The following SHROOM3 variants were observed in gnomAD, a reference collection of about 807,000 sequenced individuals.
SHROOM3 encodes shroom family member 3.
SHROOM3 carries 47 observed loss-of-function variants against 138.6 expected under a neutral mutation model. That is an observed-to-expected ratio of 0.34 (90% CI 0.27 to 0.43). The LOEUF is 0.43. Ranked by LOEUF, SHROOM3 falls within the 20% of genes least tolerant of loss-of-function variation. SHROOM3 has a pLI of 1.00. For missense variants in SHROOM3, 2,491 were observed against 2,596.5 expected (o/e 0.96, Z 0.88); for synonymous variants, 1,062 against 1,063.3 (o/e 1.00, Z 0.02).
In SHROOM3 at chr4:76,513,874, C is replaced by T. The variant is rs115394969; in HGVS notation, c.169-41735C>T. Among the ~76,000 whole-genome samples the T allele has an allele frequency of 7.9e-5, 12 of 152,118 alleles. No individual in the cohort carries two copies. In the East Asian group the frequency reaches 1.3e-3, roughly 17 times the overall value. On this transcript the variant is annotated intron_variant, in intron 1 of 10. Coordinates refer to ENST00000296043, the MANE Select transcript of SHROOM3 (RefSeq NM_020859.4). ...ACATTGATCTTTAAAAAATGACATA[C>T]GTTTTATAGTCATTAACTTATCACT...
intron 3 of SHROOM3, among the ~76,000 whole-genome samples, chr4:76,728,844 C>A (rs1449933365): frequency 6.6e-6 from 1 of 152,144 alleles, no homozygotes; most frequent in Non-Finnish European, 1.5e-5. Context: ...TCAGGCCAGG[C>A]TCTGTCATAA....
At chr4:76,693,186 TAAG>T (rs1212918945) in intron 2 of SHROOM3, among the ~76,000 whole-genome samples, 2 of 152,226 alleles carry the variant, frequency 1.3e-5, no homozygotes, top group African/African-American at 4.8e-5. Context: ...CTTAGCTTAG[TAAG>T]AACTCAGTAA....
rs558039180 is a variant in SHROOM3, at chr4:76,482,327, G to A, written c.168+46107G>A. Among the ~76,000 whole-genome samples the A allele has an allele frequency of 2.6e-5, 4 of 152,254 alleles. No individual in the cohort carries two copies. In the South Asian group the frequency reaches 8.3e-4, roughly 32 times the overall value. On this transcript the variant is annotated intron_variant, in intron 1 of 10. Coordinates refer to ENST00000296043, the MANE Select transcript of SHROOM3 (RefSeq NM_020859.4). ...CAAAGTCCCAAGATACAAAATCAAT[G>A]CGGAAAAATCACAAGCATTCCTATA...
At chr4:76,659,052 T>G (rs1736128051) in intron 2 of SHROOM3, among the ~76,000 whole-genome samples, 1 of 150,320 alleles carries the variant, frequency 6.7e-6, no homozygotes, top group South Asian at 2.1e-4. Flanking sequence ...AAGGCTCATC[T>G]AAAAATGGAC....
chr4:76,704,710 A>C (rs183066823), intron 2 of SHROOM3, among the ~76,000 whole-genome samples: 1 of 152,230 alleles, frequency 6.6e-6, no homozygotes, highest in African/African-American at 2.4e-5. Flanking sequence ...TGCATAGGGA[A>C]GCTACAGGAT....
intron 2 of SHROOM3, among the ~76,000 whole-genome samples, chr4:76,659,817 G>A (rs182851341): frequency 3.9e-5 from 6 of 152,234 alleles, no homozygotes; most frequent in African/African-American, 1.4e-4. Context: ...CCTGACATCA[G>A]GTGATCCACC....
At chr4:76,771,884 G>T (rs1019475391) in intron 10 of SHROOM3, among the ~76,000 whole-genome samples, 5 of 152,160 alleles carry the variant, frequency 3.3e-5, no homozygotes, top group Admixed American at 1.3e-4. Flanking sequence ...GGTCTAGCGT[G>T]TGTCACTTAG....
At chr4:76,444,519 A>G (rs1579157827) in intron 1 of SHROOM3, among the ~76,000 whole-genome samples, 1 of 94,182 alleles carries the variant, frequency 1.1e-5, no homozygotes, top group African/African-American at 4.2e-5. Context: ...TTTGAGACGG[A>G]GTCTTGCTCT....
At chr4:76,678,827 AT>A (rs1719111961) in intron 2 of SHROOM3, among the ~76,000 whole-genome samples, 1 of 151,854 alleles carries the variant, frequency 6.6e-6, no homozygotes, top group Admixed American at 6.6e-5. Context: ...TGCCCGGCTA[AT>A]TTTTTGTATT....
At chr4:76,483,554 G>A (rs761364379) in intron 1 of SHROOM3, among the ~76,000 whole-genome samples, 54 of 152,308 alleles carry the variant, frequency 3.5e-4, no homozygotes, top group South Asian at 2.1e-4. Flanking sequence ...TGGTGGGAGT[G>A]TAAATTAGTT....
rs112460154 is a variant in SHROOM3, at chr4:76,481,710, T to C, written c.168+45490T>C. ...GCAGAGACACAACAAAAAATGAAAA[T>C]TTCAGGCCAATATCCCTGATGGACA... On this transcript the variant is annotated intron_variant, in intron 1 of 10. Transcript: ENST00000296043. Among the ~76,000 whole-genome samples, 3 of 152,196 alleles carry C rather than the reference T, an allele frequency of 2.0e-5. 1 individual carries two copies. The highest frequency in any genetic ancestry group is 7.2e-5 in the African/African-American group (3 of 41,512).
chr4:76,746,123 C>T (rs1721428132), intron 5 of SHROOM3, among the ~76,000 whole-genome samples: 1 of 152,138 alleles, frequency 6.6e-6, no homozygotes, highest in South Asian at 2.1e-4. Flanking sequence ...GTTTTCACCC[C>T]ATACTGTCTG....
chr4:76,481,404 A>T (rs1050274322), intron 1 of SHROOM3, among the ~76,000 whole-genome samples: 8 of 152,152 alleles, frequency 5.3e-5, no homozygotes, highest in Admixed American at 5.2e-4. Context: ...TCCTGGACAC[A>T]TACACCCTCC....
chr4:76,516,709 C>T (rs868786266), intron 1 of SHROOM3, among the ~76,000 whole-genome samples: 1 of 152,140 alleles, frequency 6.6e-6, no homozygotes, highest in East Asian at 1.9e-4. Flanking sequence ...ACAGTCTAGC[C>T]AATAACTACA....
intron 2 of SHROOM3, among the ~76,000 whole-genome samples, chr4:76,620,027 T>C (rs1734964822): frequency 7.9e-6 from 1 of 127,296 alleles, no homozygotes; most frequent in African/African-American, 3.1e-5. Context: ...GCCAAGATGA[T>C]GCCACAGCAC....
intron 2 of SHROOM3, among the ~76,000 whole-genome samples, chr4:76,667,764 C>A (rs955791391): frequency 1.3e-5 from 2 of 150,950 alleles, no homozygotes; most frequent in Admixed American, 6.6e-5. Flanking sequence ...GTCAGGAGAT[C>A]GAGACCTTCC....
intron 3 of SHROOM3, among the ~76,000 whole-genome samples, chr4:76,726,116 C>G (rs914108226): frequency 2.0e-5 from 3 of 152,092 alleles, no homozygotes; most frequent in African/African-American, 7.2e-5. Flanking sequence ...ATCCAGTGGC[C>G]ATGCATCTAC....
At chr4:76,576,327 A>AG (rs1192571785) in intron 2 of SHROOM3, among the ~76,000 whole-genome samples, 1 of 152,226 alleles carries the variant, frequency 6.6e-6, no homozygotes, top group Non-Finnish European at 1.5e-5. Flanking sequence ...ATTTAAAAAA[A>AG]TGAGATCCTG....
chr4:76,755,388 G>A (rs1475950405), intron 7 of SHROOM3, among the ~76,000 whole-genome samples, 196 bp downstream of exon 7: 2 of 152,188 alleles, frequency 1.3e-5, no homozygotes, highest in African/African-American at 4.8e-5. Context: ...AGTCAGGGTG[G>A]CAGAAATGAA....
Sources: gnomAD v4.1 joint callset for allele counts (sites outside exome capture counted in the v4.1 genomes callset) on GRCh38, gnomAD v4.1.1 for gene constraint, MANE v1.5 for transcripts, NCBI Gene and HGNC (gene_info 2026-07-23, HGNC 2026-07-21) for gene names.